RALGAPA1: variants seen among roughly 807,000 people sequenced by gnomAD.
RALGAPA1 encodes Ral GTPase activating protein catalytic subunit alpha 1.
Under a neutral mutation model 269.6 loss-of-function variants are expected in RALGAPA1, and 52 were observed. That is an observed-to-expected ratio of 0.19 (90% CI 0.15 to 0.24). RALGAPA1 has a LOEUF of 0.24. Among genes scored for constraint, RALGAPA1 ranks in the 10% least tolerant of loss-of-function variants. The pLI is 1.00. For synonymous variants in RALGAPA1, 817 were observed against 1,008.3 expected (o/e 0.81, Z 3.60); for missense variants, 1,917 against 3,013.9 (o/e 0.64, Z 8.52).
chr14:35,548,991 T>C, intron 40 of RALGAPA1, 119 bp downstream of exon 40: 1 of 1,168,420 alleles, frequency 8.6e-7, no homozygotes, highest in Non-Finnish European at 1.2e-6. Flanking sequence ...AAATATTAAA[T>C]AGTGATTAAA....
At chr14:35,595,845 GAGAA>G in intron 36 of RALGAPA1, 56 bp from the exon 37 acceptor site, 2 of 1,421,012 alleles carry the variant, frequency 1.4e-6, no homozygotes, top group Non-Finnish European at 1.9e-6. Context: ...ATACACTACA[GAGAA>G]AGACTCAAAC....
At chr14:35,635,724 A>C in intron 31 of RALGAPA1, 126 bp from the exon 32 acceptor site, 1 of 743,236 alleles carries the variant, frequency 1.3e-6, no homozygotes, top group Non-Finnish European at 2.0e-6. Flanking sequence ...TTCCACTATT[A>C]ATATTTACCC....
chr14:35,785,895 G>A (rs1203530884), intron 1 of RALGAPA1, among the ~76,000 whole-genome samples: 2 of 152,178 alleles, frequency 1.3e-5, no homozygotes, highest in Non-Finnish European at 2.9e-5. Context: ...AAGAAGGAAT[G>A]GGCCAGGCAC....
At chr14:35,794,549 T>C (rs377124239) in intron 1 of RALGAPA1, among the ~76,000 whole-genome samples, 8 of 152,256 alleles carry the variant, frequency 5.3e-5, no homozygotes, top group East Asian at 1.9e-4. Flanking sequence ...CTCCGCCTCC[T>C]GGGTTCACGC....
At chr14:35,687,983 T>A (rs546428328) in intron 18 of RALGAPA1, among the ~76,000 whole-genome samples, 1 of 152,076 alleles carries the variant, frequency 6.6e-6, no homozygotes. Flanking sequence ...TCTATTATGT[T>A]AGTTGTCAAA....
intron 39 of RALGAPA1, 81 bp downstream of exon 39, chr14:35,570,536 C>T: frequency 1.8e-6 from 2 of 1,138,254 alleles, no homozygotes; most frequent in Middle Eastern, 3.2e-4. Context: ...AAATAAAAGG[C>T]TTTAACAATA....
At chr14:35,697,369 C>T (rs375052960) in intron 17 of RALGAPA1, among the ~76,000 whole-genome samples, 5 of 151,094 alleles carry the variant, frequency 3.3e-5, no homozygotes, top group South Asian at 2.1e-4. Flanking sequence ...TTTTTTGAGA[C>T]GGAGTCTTGC....
intron 11 of RALGAPA1, 130 bp from the exon 12 acceptor site, chr14:35,738,780 T>A (rs147023229): frequency 7.6e-6 from 5 of 654,638 alleles, no homozygotes; most frequent in Admixed American, 6.6e-5. Context: ...AAATAGATGA[T>A]GTCTTATCCA....
Position 35,717,759 on chromosome 14 carries a change from T to C in RALGAPA1, c.2266+3929A>G, listed in dbSNP as rs147124331. On this transcript the variant is annotated intron_variant, in intron 16 of 41. Transcript: ENST00000680220. ...TTTTAGTAGAGACGGGGTTTTACCA[T>C]GTTGTCCAGGCTGGTCTCAAACCCC... Among the ~76,000 whole-genome samples the C allele has an allele frequency of 1.8e-3, 273 of 152,154 alleles. 1 individual carries two copies. The highest frequency in any genetic ancestry group is 6.4e-3 in the African/African-American group (267 of 41,516).
intron 3 of RALGAPA1, among the ~76,000 whole-genome samples, chr14:35,771,522 C>G (rs1207575129): frequency 6.6e-6 from 1 of 152,158 alleles, no homozygotes; most frequent in Non-Finnish European, 1.5e-5. Context: ...CAAAAAACAA[C>G]AAGCAATACT....
intron 37 of RALGAPA1, among the ~76,000 whole-genome samples, chr14:35,583,116 C>T (rs2058056884): frequency 6.6e-6 from 1 of 152,086 alleles, no homozygotes; most frequent in Non-Finnish European, 1.5e-5. Flanking sequence ...AGAATAAGCA[C>T]CAGAGTCAGA....
intron 22 of RALGAPA1, chr14:35,677,288 A>G (rs1056624472): frequency 6.6e-6 from 1 of 152,288 alleles, no homozygotes; most frequent in Non-Finnish European, 1.5e-5. Context: ...CTAGCTTTTC[A>G]TTCATTGTAA....
At chr14:35,674,301 A>G (rs770896956) in intron 23 of RALGAPA1, 23 bp from the exon 24 acceptor site, 2 of 1,566,802 alleles carry the variant, frequency 1.3e-6, no homozygotes, top group Non-Finnish European at 1.7e-6. Context: ...AATAAAAAGC[A>G]ACAAACCTAA....
chr14:35,653,820 G>A (rs1249564541), intron 30 of RALGAPA1, among the ~76,000 whole-genome samples: 2 of 151,838 alleles, frequency 1.3e-5, no homozygotes, highest in Non-Finnish European at 2.9e-5. Context: ...CACCGAATTA[G>A]AATGAACAAA....
intron 37 of RALGAPA1, among the ~76,000 whole-genome samples, chr14:35,582,621 T>C (rs544274144): frequency 6.6e-6 from 1 of 152,202 alleles, no homozygotes; most frequent in Non-Finnish European, 1.5e-5. Flanking sequence ...ACCAGTCTTA[T>C]GGGGAACTTC....
chr14:35,604,807 G>C (rs1331027376), intron 36 of RALGAPA1, among the ~76,000 whole-genome samples: 1 of 151,982 alleles, frequency 6.6e-6, no homozygotes, highest in South Asian at 2.1e-4. Flanking sequence ...AAAATGTCTG[G>C]TATTAAACTG....
intron 41 of RALGAPA1, among the ~76,000 whole-genome samples, chr14:35,545,746 CTTG>C (rs1209970653): frequency 2.0e-5 from 3 of 151,852 alleles, no homozygotes; most frequent in Admixed American, 6.6e-5. Context: ...GATCCTGTTT[CTTG>C]TTGTCATTCT....
chr14:35,571,473 G>A (rs1381531915), intron 38 of RALGAPA1, among the ~76,000 whole-genome samples: 1 of 151,958 alleles, frequency 6.6e-6, no homozygotes, highest in South Asian at 2.1e-4. Flanking sequence ...TCAAGAGTTC[G>A]AGACCAGCCT....
intron 12 of RALGAPA1, among the ~76,000 whole-genome samples, 155 bp from the exon 13 acceptor site, chr14:35,728,665 C>G (rs1313320818): frequency 4.6e-5 from 7 of 151,772 alleles, no homozygotes; most frequent in Non-Finnish European, 1.0e-4. Context: ...TTATGTTTAC[C>G]TAGACAAATA....
Sources: allele counts gnomAD v4.1 joint callset (sites outside exome capture counted in the v4.1 genomes callset), GRCh38; gene constraint gnomAD v4.1.1; transcripts MANE v1.5; gene names NCBI Gene and HGNC (gene_info 2026-07-23, HGNC 2026-07-21).